ARSB: variants seen among roughly 807,000 people sequenced by gnomAD.
ARSB encodes arylsulfatase B, also known as N-acetylgalactosamine-4-sulfatase.
In ARSB, 41 loss-of-function variants were observed where a neutral mutation model predicts 50.9. That is an observed-to-expected ratio of 0.81 (90% confidence interval 0.63 to 1.04). The LOEUF (loss-of-function observed/expected upper bound fraction) is 1.04, where lower values mean the gene tolerates loss of function less well. Ranked by LOEUF, ARSB falls within the 50% of genes least tolerant of loss-of-function variation. ARSB has a pLI of 0.00. For synonymous variants in ARSB, 269 were observed against 284.8 expected (o/e 0.94, Z 0.56); for missense variants, 672 against 693.3 (o/e 0.97, Z 0.35).
intron 5 of ARSB, among the ~76,000 whole-genome samples, chr5:78,840,807 C>G (rs1040898391): frequency 5.9e-5 from 9 of 152,084 alleles, no homozygotes; most frequent in Non-Finnish European, 1.0e-4. Flanking sequence ...TTCCCAGGAC[C>G]TTTCTTTTCT....
rs1743917255 is a variant in ARSB, at chr5:78,814,413, T to C, written c.1213+24943A>G. 1.3e-5 allele frequency among the ~76,000 whole-genome samples: 2 copies of C among 151,002 alleles called. 1 individual carries two copies. The highest frequency in any genetic ancestry group is 4.9e-5 in the African/African-American group (2 of 40,786). On this transcript the variant is annotated intron_variant, in intron 6 of 7. Transcript: ENST00000264914. ...AGAACCTGTGGGTCAAAAAGGATCATCATGAAGCCAAGAGATGTTGAGTCA... is the reference window on the plus strand; with the variant it reads ...AGAACCTGTGGGTCAAAAAGGATCACCATGAAGCCAAGAGATGTTGAGTCA...
At chr5:78,847,873 A>G (rs965559025) in intron 5 of ARSB, among the ~76,000 whole-genome samples, 8 of 152,064 alleles carry the variant, frequency 5.3e-5, no homozygotes. Context: ...ATAGTCTCTC[A>G]TGATCACTTG....
intron 6 of ARSB, among the ~76,000 whole-genome samples, chr5:78,803,591 G>A (rs1216844194): frequency 3.9e-5 from 6 of 152,228 alleles, no homozygotes; most frequent in African/African-American, 1.4e-4. Flanking sequence ...GCTTCCATGA[G>A]TGAGGTCAGT....
At chr5:78,833,067 G>A (rs1219850495) in intron 6 of ARSB, among the ~76,000 whole-genome samples, 2 of 152,124 alleles carry the variant, frequency 1.3e-5, no homozygotes, top group Non-Finnish European at 2.9e-5. Flanking sequence ...TTTTTCCTCA[G>A]GCAAAATAAT....
intron 5 of ARSB, among the ~76,000 whole-genome samples, chr5:78,882,690 T>C (rs2112198664): frequency 6.6e-6 from 1 of 151,358 alleles, no homozygotes; most frequent in East Asian, 1.9e-4. Context: ...GGAAAAAAGA[T>C]GTAGTAAAAA....
At chr5:78,962,037 G>A (rs1397840641) in intron 3 of ARSB, among the ~76,000 whole-genome samples, 1 of 152,112 alleles carries the variant, frequency 6.6e-6, no homozygotes, top group Non-Finnish European at 1.5e-5. Flanking sequence ...CAGAATCTCT[G>A]GTCTTGGATA....
At chr5:78,955,219 AT>A (rs1316944890) in intron 4 of ARSB, 75 bp downstream of exon 4, 1 of 1,468,070 alleles carries the variant, frequency 6.8e-7, no homozygotes, top group African/African-American at 1.4e-5. Context: ...AACCGCTCCA[AT>A]TTGTCTTCAT....
intron 5 of ARSB, among the ~76,000 whole-genome samples, chr5:78,852,144 T>C (rs1233603727): frequency 6.6e-6 from 1 of 152,260 alleles, no homozygotes; most frequent in African/African-American, 2.4e-5. Context: ...TGATGCAGTT[T>C]CTTCCTAGCC....
intron 5 of ARSB, among the ~76,000 whole-genome samples, chr5:78,853,406 T>C (rs1453526366): frequency 6.6e-6 from 1 of 152,198 alleles, no homozygotes; most frequent in South Asian, 2.1e-4. Flanking sequence ...TGTCTGATCA[T>C]TCCTCTGGAA....
chr5:78,848,917 G>GTTTC (rs1554075116), intron 5 of ARSB, among the ~76,000 whole-genome samples: 1 of 151,182 alleles, frequency 6.6e-6, no homozygotes, highest in African/African-American at 2.4e-5. Context: ...TGATGGCGTT[G>GTTTC]TTTTTTCTCG....
At chr5:78,869,874 A>G (rs1289224486) in intron 5 of ARSB, among the ~76,000 whole-genome samples, 2 of 150,820 alleles carry the variant, frequency 1.3e-5, no homozygotes, top group Non-Finnish European at 3.0e-5. Flanking sequence ...TGAATCCAGG[A>G]GCTGGTTTTT....
chr5:78,848,867 T>C (rs965451524), intron 5 of ARSB, among the ~76,000 whole-genome samples: 3 of 152,196 alleles, frequency 2.0e-5, no homozygotes, highest in African/African-American at 7.2e-5. Flanking sequence ...ATAAATGTCT[T>C]CTTTTGAGAA....
chr5:78,948,111 G>A (rs913716003), intron 4 of ARSB, among the ~76,000 whole-genome samples: 14 of 152,268 alleles, frequency 9.2e-5, no homozygotes, highest in Non-Finnish European at 1.6e-4. Context: ...GTAGAGAATA[G>A]AAGGATGGTT....
At chr5:78,854,661 C>T (rs1321210304) in intron 5 of ARSB, among the ~76,000 whole-genome samples, 1 of 152,176 alleles carries the variant, frequency 6.6e-6, no homozygotes, top group Non-Finnish European at 1.5e-5. Context: ...TGTGCATCTG[C>T]TCTACCAGCG....
At chr5:78,972,202 T>C (rs980863377) in intron 1 of ARSB, among the ~76,000 whole-genome samples, 1 of 152,118 alleles carries the variant, frequency 6.6e-6, no homozygotes, top group African/African-American at 2.4e-5. Context: ...CCTGGCTACA[T>C]GAGTCTCTCT....
chr5:78,903,916 TAG>T, intron 4 of ARSB, among the ~76,000 whole-genome samples: 1 of 152,206 alleles, frequency 6.6e-6, no homozygotes, highest in East Asian at 1.9e-4. Context: ...TTTTAACAAA[TAG>T]AGTCATATAA....
intron 6 of ARSB, among the ~76,000 whole-genome samples, chr5:78,795,715 G>A (rs1743153967): frequency 6.6e-6 from 1 of 152,206 alleles, no homozygotes; most frequent in African/African-American, 2.4e-5. Flanking sequence ...AAGGTGAGGA[G>A]GAATATTGCA....
chr5:78,823,352 A>G (rs1292398952), intron 6 of ARSB, among the ~76,000 whole-genome samples: 1 of 152,208 alleles, frequency 6.6e-6, no homozygotes, highest in Non-Finnish European at 1.5e-5. Flanking sequence ...CAGCCATTTA[A>G]GAGGCATGAG....
chr5:78,863,184 T>C (rs1316166667), intron 5 of ARSB, among the ~76,000 whole-genome samples: 1 of 152,188 alleles, frequency 6.6e-6, no homozygotes, highest in Non-Finnish European at 1.5e-5. Flanking sequence ...TCAACCATTG[T>C]GGAAGACAGT....
Sources: allele counts gnomAD v4.1 joint callset (sites outside exome capture counted in the v4.1 genomes callset), GRCh38; gene constraint gnomAD v4.1.1; transcripts MANE v1.5; gene names NCBI Gene and HGNC (gene_info 2026-07-23, HGNC 2026-07-21).